Variants in KDM2A observed in about 807,000 individuals in gnomAD.
The protein encoded by KDM2A is lysine-specific demethylase 2A.
In KDM2A, 3 loss-of-function variants were observed where a neutral mutation model predicts 137.3. The observed-to-expected ratio is 0.02, with a 90% CI of 0.01 to 0.06. The LOEUF (loss-of-function observed/expected upper bound fraction) is 0.06, where lower values mean the gene tolerates loss of function less well. KDM2A is among the 10% of genes least tolerant of loss of function. KDM2A has a pLI of 1.00. For synonymous variants in KDM2A, 512 were observed against 541.5 expected (o/e 0.95, Z 0.76); for missense variants, 738 against 1,510.6 (o/e 0.49, Z 8.48).
intron 5 of KDM2A, among the ~76,000 whole-genome samples, chr11:67,193,816 A>G (rs1277756553): frequency 2.6e-5 from 4 of 152,194 alleles, no homozygotes; most frequent in African/African-American, 9.6e-5. Flanking sequence ...AGCTGAGACC[A>G]TGTCGTTGTA....
chr11:67,176,305 A>G (rs1028007560), intron 2 of KDM2A, among the ~76,000 whole-genome samples: 3 of 152,170 alleles, frequency 2.0e-5, no homozygotes, highest in Admixed American at 6.5e-5. Context: ...TAAGAGACCT[A>G]TCTCCAGTGT....
At position 67,248,214 on chromosome 11, in the gene KDM2A, CTG is replaced by C. The variant is rs1404385245; in HGVS notation, c.1966-63_1966-62del. 6 of 1,159,892 alleles carry C rather than the reference CTG, an allele frequency of 5.2e-6. No individual in the cohort carries two copies. The African/African-American group carries it at 7.7e-5, about 15-fold the overall frequency. 71.9% of individuals were successfully genotyped at this position (1,159,892 alleles called of 1,614,324 possible). A position where few individuals can be genotyped will look rare whatever the true frequency, so the allele number is the denominator to read the frequency against. On this transcript the variant is annotated intron_variant, in intron 15 of 20. Coordinates refer to ENST00000529006, the MANE Select transcript of KDM2A (RefSeq NM_012308.3). ...TTGAGAAATGAGTAACTCTTCCCAA[CTG>C]TGTTATTGTTGGATAAAGGAAGCTT...
At chr11:67,244,652 C>T (rs1330025421) in intron 13 of KDM2A, among the ~76,000 whole-genome samples, 4 of 152,164 alleles carry the variant, frequency 2.6e-5, no homozygotes, top group Non-Finnish European at 5.9e-5. Context: ...GTACACCACA[C>T]AGTCAACAAT....
chr11:67,141,682 AATATATATAT>A (rs200949810), intron 2 of KDM2A, among the ~76,000 whole-genome samples: 35 of 119,324 alleles, frequency 2.9e-4, no homozygotes, highest in African/African-American at 1.1e-3. Context: ...AAAAAAAAAA[AATATATATAT>A]ATATATATAT....
chr11:67,185,571 A>G (rs891293775), intron 5 of KDM2A, among the ~76,000 whole-genome samples: 1 of 151,898 alleles, frequency 6.6e-6, no homozygotes, highest in Non-Finnish European at 1.5e-5. Context: ...TGGAGGTTGC[A>G]GTGAGACAAG....
chr11:67,135,904 C>G (rs1308188197), intron 2 of KDM2A, among the ~76,000 whole-genome samples: 1 of 152,032 alleles, frequency 6.6e-6, no homozygotes, highest in Non-Finnish European at 1.5e-5. Flanking sequence ...ATGTTTCTAC[C>G]CACTACTGAA....
intron 5 of KDM2A, chr11:67,196,795 G>A (rs1472977190): frequency 9.0e-6 from 2 of 222,024 alleles, no homozygotes; most frequent in Admixed American, 1.0e-4. Context: ...GGTGGTAATG[G>A]TTGCACAACA....
intron 5 of KDM2A, among the ~76,000 whole-genome samples, chr11:67,186,789 G>A (rs753535978): frequency 6.6e-6 from 1 of 152,098 alleles, no homozygotes; most frequent in Non-Finnish European, 1.5e-5. Flanking sequence ...TTAGTAGAAC[G>A]GGGTATAGTG....
intron 17 of KDM2A, among the ~76,000 whole-genome samples, chr11:67,252,077 C>G (rs1859446263): frequency 6.6e-6 from 1 of 152,184 alleles, no homozygotes; most frequent in South Asian, 2.1e-4. Context: ...AGGCCTATCC[C>G]TTTCAGTTCT....
chr11:67,240,281 G>A (rs1198644509), intron 12 of KDM2A: 3 of 1,535,646 alleles, frequency 2.0e-6, no homozygotes, highest in Non-Finnish European at 2.6e-6. Flanking sequence ...AACTCCTTCA[G>A]GAGAACTTCC....
At chr11:67,225,073 T>C (rs1034143553) in intron 10 of KDM2A, among the ~76,000 whole-genome samples, 2 of 151,364 alleles carry the variant, frequency 1.3e-5, no homozygotes, top group Non-Finnish European at 2.9e-5. Flanking sequence ...GGTGATCCAC[T>C]TGCCTTGGCC....
At chr11:67,186,156 A>G (rs1857201327) in intron 5 of KDM2A, among the ~76,000 whole-genome samples, 1 of 152,108 alleles carries the variant, frequency 6.6e-6, no homozygotes, top group Non-Finnish European at 1.5e-5. Flanking sequence ...AGCTCAATGA[A>G]CTCCAAGTAA....
chr11:67,210,733 A>G (rs537353181), intron 6 of KDM2A, among the ~76,000 whole-genome samples: 9 of 152,298 alleles, frequency 5.9e-5, no homozygotes, highest in South Asian at 2.1e-4. Flanking sequence ...TGACCTTGCT[A>G]TGTAAGTAAT....
intron 6 of KDM2A, among the ~76,000 whole-genome samples, chr11:67,214,350 G>A (rs902688888): frequency 1.1e-4 from 17 of 151,868 alleles, no homozygotes; most frequent in Middle Eastern, 3.4e-3. Flanking sequence ...GACTACGGGC[G>A]CCCGCCACCA....
intron 13 of KDM2A, 51 bp downstream of exon 13, chr11:67,243,143 T>A: frequency 1.5e-6 from 2 of 1,313,720 alleles, no homozygotes; most frequent in South Asian, 2.4e-5. Context: ...TTTTGTTAGT[T>A]GATCATTACC....
At chr11:67,199,764 C>T (rs1857572615) in intron 5 of KDM2A, among the ~76,000 whole-genome samples, 1 of 152,190 alleles carries the variant, frequency 6.6e-6, no homozygotes, top group South Asian at 2.1e-4. Flanking sequence ...CCAGGAGAAC[C>T]AGCTAGGATC....
chr11:67,196,061 C>T (rs570237640), intron 5 of KDM2A: 1 of 400,924 alleles, frequency 2.5e-6, no homozygotes, highest in South Asian at 1.9e-5. Context: ...TGCGTACCCA[C>T]CCCATCCCAG....
intron 2 of KDM2A, among the ~76,000 whole-genome samples, chr11:67,129,017 A>C (rs955616236): frequency 3.3e-5 from 5 of 152,196 alleles, no homozygotes; most frequent in African/African-American, 1.2e-4. Context: ...CAGGGGCTTA[A>C]GGCTGTGATG....
At chr11:67,144,006 A>G (rs931785233) in intron 2 of KDM2A, among the ~76,000 whole-genome samples, 4 of 151,472 alleles carry the variant, frequency 2.6e-5, no homozygotes, top group African/African-American at 4.9e-5. Flanking sequence ...CAGTGGTGCA[A>G]TCTCGGCTCA....
Sources: allele counts gnomAD v4.1 joint callset (sites outside exome capture counted in the v4.1 genomes callset), GRCh38; gene constraint gnomAD v4.1.1; transcripts MANE v1.5; gene names NCBI Gene and HGNC (gene_info 2026-07-23, HGNC 2026-07-21).